The following DIAPH2 variants were observed in gnomAD, a reference collection of about 807,000 sequenced individuals.
DIAPH2 encodes the protein protein diaphanous homolog 2.
DIAPH2 carries 35 observed loss-of-function variants against 92.7 expected under a neutral mutation model. The ratio of observed to expected loss-of-function variants is 0.38; its 90% confidence interval spans 0.29 to 0.50. DIAPH2 has a LOEUF of 0.50. DIAPH2 is among the 20% of genes least tolerant of loss of function. DIAPH2 has a pLI of 0.94. For synonymous variants in DIAPH2, 301 were observed against 280.4 expected (o/e 1.07, Z -0.73); for missense variants, 701 against 819.5 (o/e 0.86, Z 1.77).
chrX:97,562,750 T>C (rs894397464), intron 26 of DIAPH2, among the ~76,000 whole-genome samples: 1 of 111,377 alleles, frequency 9.0e-6, no homozygotes, highest in Non-Finnish European at 1.9e-5. Context: ...CTAAGGTAGA[T>C]ATTAAGGGAA....
At chrX:96,766,493 A>G (rs2064305044) in intron 4 of DIAPH2, among the ~76,000 whole-genome samples, 1 of 111,193 alleles carries the variant, frequency 9.0e-6, no homozygotes, top group Non-Finnish European at 1.9e-5. Context: ...ACTAAAGGGA[A>G]TAAGAAAACA....
intron 20 of DIAPH2, among the ~76,000 whole-genome samples, chrX:97,109,461 C>A (rs2066964621): frequency 1.8e-5 from 2 of 111,593 alleles, no homozygotes; most frequent in African/African-American, 6.5e-5. Flanking sequence ...AAACCTATGT[C>A]TGTGTAACTA....
intron 4 of DIAPH2, among the ~76,000 whole-genome samples, chrX:96,858,316 C>A (rs6620195): frequency 0.11 from 11,820 of 111,379 alleles, 564 homozygotes; most frequent in East Asian, 0.31. Context: ...AGTAAATTGA[C>A]AACCATGAGT....
chrX:97,013,803 G>C (rs923396290), intron 17 of DIAPH2, among the ~76,000 whole-genome samples: 3 of 112,024 alleles, frequency 2.7e-5, no homozygotes, highest in African/African-American at 9.7e-5. Context: ...ACTGGAGTGG[G>C]AGAAGTTTGG....
At chrX:97,470,257 A>G (rs771058445) in intron 26 of DIAPH2, among the ~76,000 whole-genome samples, 1 of 111,821 alleles carries the variant, frequency 8.9e-6, no homozygotes, top group Non-Finnish European at 1.9e-5. Flanking sequence ...TAATTTTAGT[A>G]TATTTAAATT....
chrX:96,774,805 G>C (rs2064364965), intron 4 of DIAPH2, among the ~76,000 whole-genome samples: 1 of 111,559 alleles, frequency 9.0e-6, no homozygotes, highest in African/African-American at 3.3e-5. Flanking sequence ...TAATTAAAAT[G>C]CTTATGTGCT....
intron 4 of DIAPH2, among the ~76,000 whole-genome samples, chrX:96,810,222 A>G (rs1375502416): frequency 8.9e-6 from 1 of 112,190 alleles, no homozygotes; most frequent in Non-Finnish European, 1.9e-5. Flanking sequence ...AACTGGTGTG[A>G]GATGGTATCT....
intron 26 of DIAPH2, among the ~76,000 whole-genome samples, chrX:97,468,512 TTTCCTGTATTTC>T (rs2070533777): frequency 9.0e-6 from 1 of 111,201 alleles, no homozygotes; most frequent in Admixed American, 9.7e-5. Context: ...GACAAAATTA[TTTCCTGTATTTC>T]TTCCATATTG....
intron 26 of DIAPH2, among the ~76,000 whole-genome samples, chrX:97,522,569 G>A (rs1014840789): frequency 1.8e-5 from 2 of 112,768 alleles, no homozygotes; most frequent in Non-Finnish European, 3.7e-5. Flanking sequence ...TTAAAATCAT[G>A]ACTGCTTTCA....
chrX:96,944,223 C>T (rs1261186304), intron 13 of DIAPH2, among the ~76,000 whole-genome samples: 4 of 111,594 alleles, frequency 3.6e-5, no homozygotes, highest in African/African-American at 1.3e-4. Context: ...CTCTCTGATG[C>T]CTTTCCATTG....
intron 17 of DIAPH2, among the ~76,000 whole-genome samples, chrX:97,068,044 A>G (rs1490751985): frequency 8.9e-6 from 1 of 111,860 alleles, no homozygotes; most frequent in Non-Finnish European, 1.9e-5. Flanking sequence ...ACTGTCAACC[A>G]TTGGCATAAT....
chrX:97,255,701 C>T (rs1279884199), intron 23 of DIAPH2, among the ~76,000 whole-genome samples: 1 of 111,906 alleles, frequency 8.9e-6, no homozygotes, highest in Non-Finnish European at 1.9e-5. Flanking sequence ...TAACATGTTT[C>T]AAATGTTATT....
intron 22 of DIAPH2, among the ~76,000 whole-genome samples, chrX:97,194,643 T>C (rs1415136037): frequency 2.7e-5 from 3 of 111,594 alleles, no homozygotes; most frequent in Middle Eastern, 4.7e-3. Context: ...CCAGATAACC[T>C]ACCTTAAACA....
At chrX:97,128,977 A>G (rs995943738) in intron 21 of DIAPH2, among the ~76,000 whole-genome samples, 1 of 111,044 alleles carries the variant, frequency 9.0e-6, no homozygotes. Context: ...TCATTTATGT[A>G]TAAGACATAA....
chrX:97,547,508 A>G (rs2071190422), intron 26 of DIAPH2, among the ~76,000 whole-genome samples: 1 of 112,107 alleles, frequency 8.9e-6, no homozygotes, highest in East Asian at 2.8e-4. Flanking sequence ...TCTAACATCA[A>G]ACAGACATAA....
chrX:97,009,353 G>A (rs1404335959), intron 17 of DIAPH2, among the ~76,000 whole-genome samples: 1 of 111,896 alleles, frequency 8.9e-6, no homozygotes, highest in Non-Finnish European at 1.9e-5. Flanking sequence ...GGCAGGTCCA[G>A]AAATGTCATC....
intron 26 of DIAPH2, chrX:97,533,149 G>A (rs944489971): frequency 9.0e-6 from 1 of 111,563 alleles, no homozygotes; most frequent in African/African-American, 3.3e-5. Flanking sequence ...ATTTTGTTAT[G>A]CCTCTTAAAT....
At chrX:97,051,580 C>A (rs2147894537) in intron 17 of DIAPH2, among the ~76,000 whole-genome samples, 1 of 107,423 alleles carries the variant, frequency 9.3e-6, no homozygotes, top group East Asian at 2.9e-4. Flanking sequence ...GATATATTTA[C>A]TATAGCCTTT....
At chrX:96,715,854 G>C (rs2063946569) in intron 1 of DIAPH2, among the ~76,000 whole-genome samples, 2 of 110,140 alleles carry the variant, frequency 1.8e-5, no homozygotes, top group African/African-American at 3.3e-5. Context: ...AGACGTAATA[G>C]CATGAGAATA....
Sources: allele counts gnomAD v4.1 joint callset (sites outside exome capture counted in the v4.1 genomes callset), GRCh38; gene constraint gnomAD v4.1.1; transcripts MANE v1.5; gene names NCBI Gene and HGNC (gene_info 2026-07-23, HGNC 2026-07-21).